LHFPL3: variants seen among roughly 807,000 people sequenced by gnomAD.
LHFPL3 encodes the protein LHFPL tetraspan subfamily member 3 protein.
In LHFPL3, 5 loss-of-function variants were observed where a neutral mutation model predicts 19.3. The ratio of observed to expected loss-of-function variants is 0.26; its 90% CI spans 0.14 to 0.54. LHFPL3 has a LOEUF of 0.54. Ranked by LOEUF, LHFPL3 falls within the 20% of genes least tolerant of loss-of-function variation. The pLI is 0.94. For synonymous variants in LHFPL3, 133 were observed against 126.2 expected, an observed-to-expected ratio of 1.05 and a Z score of -0.36; for missense variants, 249 against 307.4, an observed-to-expected ratio of 0.81 and a Z score of 1.42.
At position 104,329,155 on chromosome 7, in the gene LHFPL3, T is replaced by C; in HGVS notation, c.376T>C (p.Phe126Leu). 6.2e-7 allele frequency: 1 copy of C among 1,614,056 alleles called. No individual in the cohort carries two copies. Among genetic ancestry groups the C allele is most frequent in the Non-Finnish European group, 8.5e-7 (1 of 1,179,902 alleles). ...MMLIIACIIC[F>L]TLFFFCNTAT... is the part of the protein sequence containing the mutation. Reference sequence around the variant, plus strand: ...GCTCATCATTGCCTGCATCATTTGCTTTACCCTCTTCTTCTTCTGCAACAC... The same window carrying C: ...GCTCATCATTGCCTGCATCATTTGCCTTACCCTCTTCTTCTTCTGCAACAC... Residue 126 changes from phenylalanine (F) to leucine (L), a missense_variant, in exon 1 of 3, where the codon TTT (phenylalanine) becomes CTT (leucine). Coordinates refer to ENST00000424859, the MANE Select transcript of LHFPL3 (RefSeq NM_199000.3).
Position 104,415,258 on chromosome 7 carries a change from T to C in LHFPL3, c.445+86034T>C, listed in dbSNP as rs145536234. 2.6e-3 allele frequency among the ~76,000 whole-genome samples: 393 copies of C among 152,322 alleles called. 2 individuals carry two copies. Among genetic ancestry groups the C allele is most frequent in the Non-Finnish European group, 1.6e-3 (109 of 68,022 alleles). ...CTCTGTAATGCCAACAACAGAATAG[T>C]GAAGGCACAGTTTCTGACTTGAGAG... On this transcript the variant is annotated intron_variant, in intron 1 of 2. Coordinates refer to ENST00000424859, the MANE Select transcript of LHFPL3 (RefSeq NM_199000.3).
intron 1 of LHFPL3, among the ~76,000 whole-genome samples, chr7:104,683,006 T>A (rs1792737607): frequency 6.6e-6 from 1 of 152,218 alleles, no homozygotes; most frequent in African/African-American, 2.4e-5. Context: ...TTTTTTTTCC[T>A]TGAGATGAAG....
At position 104,613,848 on chromosome 7, in the gene LHFPL3, T is replaced by G. The variant is rs577342986; in HGVS notation, c.446-122827T>G. Among the ~76,000 whole-genome samples, 7 of 151,488 alleles carry G rather than the reference T, an allele frequency of 4.6e-5. No homozygotes were observed. In the East Asian group the frequency reaches 7.8e-4, roughly 17 times the overall value. On this transcript the variant is annotated intron_variant, in intron 1 of 2. Transcript: ENST00000424859. ...TCCATTCAAACAAAAGGCTGGAGAG[T>G]ATTTAAGCACTGGGTGAGCTAGTAG...
At chr7:104,496,221 T>C (rs544737148) in intron 1 of LHFPL3, among the ~76,000 whole-genome samples, 112 of 152,320 alleles carry the variant, frequency 7.4e-4, no homozygotes, top group South Asian at 1.5e-3. Flanking sequence ...TATGCGGTGT[T>C]TGGTTTTTTG....
At position 104,851,597 on chromosome 7, in the gene LHFPL3, A is replaced by C. The variant is rs1281540843; in HGVS notation, c.683-54590A>C. 2.0e-5 allele frequency among the ~76,000 whole-genome samples: 3 copies of C among 152,196 alleles called. No homozygotes were observed. The East Asian group carries it at 5.8e-4, about 29-fold the overall frequency. ...TTCATATTTGTGAAGATTGTTGTGA[A>C]TATAAAGTCCCAACTCTCCTCAACA... On this transcript the variant is annotated intron_variant, in intron 2 of 2. Transcript: ENST00000424859.
chr7:104,717,916 A>G (rs574990357), intron 1 of LHFPL3, among the ~76,000 whole-genome samples: 2 of 152,326 alleles, frequency 1.3e-5, no homozygotes, highest in African/African-American at 2.4e-5. Context: ...CTAAGTGTCC[A>G]TGGACAGATA....
intron 1 of LHFPL3, among the ~76,000 whole-genome samples, chr7:104,691,379 A>C (rs1792903078): frequency 6.6e-6 from 1 of 152,200 alleles, no homozygotes; most frequent in African/African-American, 2.4e-5. Context: ...ATCAGTTGAC[A>C]GAGGGAGAGA....
rs1319276972 is a variant in LHFPL3, at chr7:104,479,791, C to G, written c.445+150567C>G. On this transcript the variant is annotated intron_variant, in intron 1 of 2. Coordinates refer to ENST00000424859, the MANE Select transcript of LHFPL3 (RefSeq NM_199000.3). ...AACCTGCAAGATTCTTGAGGCTTCCCTGCTCTAGCATCTGTTTTCCGGTCC... is the reference window on the plus strand; with the variant it reads ...AACCTGCAAGATTCTTGAGGCTTCCGTGCTCTAGCATCTGTTTTCCGGTCC... Among the ~76,000 whole-genome samples, 4 of 152,226 alleles carry G rather than the reference C, an allele frequency of 2.6e-5. No individual in the cohort carries two copies. In the South Asian group the frequency reaches 8.3e-4, roughly 32 times the overall value.
intron 1 of LHFPL3, among the ~76,000 whole-genome samples, chr7:104,349,261 C>T (rs1400943425): frequency 6.6e-6 from 1 of 152,054 alleles, no homozygotes; most frequent in African/African-American, 2.4e-5. Flanking sequence ...AAAGTGGTGT[C>T]CTAAGAGATA....
At chr7:104,887,529 G>A (rs1792172061) in intron 2 of LHFPL3, among the ~76,000 whole-genome samples, 1 of 152,246 alleles carries the variant, frequency 6.6e-6, no homozygotes, top group Non-Finnish European at 1.5e-5. Context: ...AGGACTGCTA[G>A]AGGTAAGGGA....
chr7:104,787,577 G>A (rs760379125), intron 2 of LHFPL3, among the ~76,000 whole-genome samples: 18 of 152,108 alleles, frequency 1.2e-4, no homozygotes, highest in Non-Finnish European at 2.1e-4. Flanking sequence ...TTGTGACAAG[G>A]TCTTGCTTTG....
intron 1 of LHFPL3, among the ~76,000 whole-genome samples, chr7:104,545,304 G>T (rs1029387396): frequency 2.0e-5 from 3 of 152,128 alleles, no homozygotes; most frequent in African/African-American, 7.2e-5. Context: ...CAGCTTCCTG[G>T]TTGTTTCACC....
intron 1 of LHFPL3, among the ~76,000 whole-genome samples, chr7:104,550,912 T>C (rs1794650947): frequency 6.6e-6 from 1 of 152,154 alleles, no homozygotes; most frequent in Non-Finnish European, 1.5e-5. Flanking sequence ...AAGAATGAAA[T>C]CCCTTCAAAC....
intron 2 of LHFPL3, among the ~76,000 whole-genome samples, chr7:104,824,533 A>AT (rs1790770654): frequency 1.4e-5 from 1 of 72,540 alleles, no homozygotes; most frequent in Non-Finnish European, 2.3e-5. Flanking sequence ...TTTATATATA[A>AT]TATATATAAT....
chr7:104,413,277 C>A (rs1299687533), intron 1 of LHFPL3, among the ~76,000 whole-genome samples: 1 of 152,138 alleles, frequency 6.6e-6, no homozygotes, highest in East Asian at 1.9e-4. Flanking sequence ...ACACTGGGGC[C>A]ATGACATAGA....
At chr7:104,640,528 G>A (rs1254286225) in intron 1 of LHFPL3, among the ~76,000 whole-genome samples, 1 of 152,076 alleles carries the variant, frequency 6.6e-6, no homozygotes, top group Admixed American at 6.5e-5. Context: ...TCATTGATGG[G>A]CATTTGGTTT....
rs184082760 is a variant in LHFPL3, at chr7:104,604,359, C to A, written c.446-132316C>A. ...GGGAGGGCACCCTGGGCCTGTCCCC[C>A]AAAACTATTCTGCCCCGCTAGAGCT... On this transcript the variant is annotated intron_variant, in intron 1 of 2. Coordinates refer to ENST00000424859, the MANE Select transcript of LHFPL3 (RefSeq NM_199000.3). Among the ~76,000 whole-genome samples, 3 of 152,266 alleles carry A rather than the reference C, an allele frequency of 2.0e-5. No individual in the cohort carries two copies. In the East Asian group the frequency reaches 5.8e-4, roughly 29 times the overall value.
chr7:104,378,169 C>T (rs1351929069), intron 1 of LHFPL3, among the ~76,000 whole-genome samples: 1 of 152,082 alleles, frequency 6.6e-6, no homozygotes, highest in Non-Finnish European at 1.5e-5. Flanking sequence ...CATGAGGTAC[C>T]TTAATACAGG....
chr7:104,355,384 G>T (rs1225840871), intron 1 of LHFPL3, among the ~76,000 whole-genome samples: 8 of 152,148 alleles, frequency 5.3e-5, no homozygotes, highest in South Asian at 2.1e-4. Flanking sequence ...GGACCAGCAT[G>T]GTTCTCTAGA....
Sources: gnomAD v4.1 joint callset for allele counts (sites outside exome capture counted in the v4.1 genomes callset) on GRCh38, gnomAD v4.1.1 for gene constraint, MANE v1.5 for transcripts, NCBI Gene and HGNC (gene_info 2026-07-23, HGNC 2026-07-21) for gene names.